The following PALLD variants were observed in gnomAD, a reference collection of about 807,000 sequenced individuals.
PALLD encodes the protein palladin, cytoskeletal associated protein.
A neutral mutation model predicts 123.5 loss-of-function variants in PALLD; 61 were observed. The observed-to-expected ratio is 0.49, with a 90% CI of 0.40 to 0.61. The LOEUF (loss-of-function observed/expected upper bound fraction) is 0.61, where lower values mean the gene tolerates loss of function less well. Among genes scored for constraint, PALLD ranks in the 20% least tolerant of loss-of-function variants. The probability of loss-of-function intolerance (pLI) is 0.00; values close to 1 mark genes in which losing one functional copy is unlikely to be tolerated. For synonymous variants in PALLD, 465 were observed against 496.4 expected (o/e 0.94, Z 0.84); for missense variants, 1,273 against 1,377.0 (o/e 0.92, Z 1.20).
At chr4:168,750,741 G>A (rs1730949257) in intron 10 of PALLD, among the ~76,000 whole-genome samples, 1 of 152,146 alleles carries the variant, frequency 6.6e-6, no homozygotes, top group African/African-American at 2.4e-5. Context: ...CACTATTTCT[G>A]TGGCCTCCTG....
intron 10 of PALLD, among the ~76,000 whole-genome samples, chr4:168,800,102 C>T (rs1427786162): frequency 6.6e-6 from 1 of 152,178 alleles, no homozygotes. Context: ...AAATATAGAA[C>T]ATTTGCTTTA....
intron 14 of PALLD, among the ~76,000 whole-genome samples, chr4:168,899,540 T>C (rs1410923456): frequency 6.6e-6 from 1 of 152,168 alleles, no homozygotes; most frequent in African/African-American, 2.4e-5. Context: ...GGTAATAATA[T>C]GTGAAGAAAT....
At chr4:168,842,718 A>G (rs569723436) in intron 10 of PALLD, among the ~76,000 whole-genome samples, 1 of 152,306 alleles carries the variant, frequency 6.6e-6, no homozygotes, top group South Asian at 2.1e-4. Flanking sequence ...GTAAGGAGGT[A>G]CTTAAAAAGC....
intron 2 of PALLD, among the ~76,000 whole-genome samples, chr4:168,605,769 A>G (rs1195713402): frequency 6.6e-6 from 1 of 152,202 alleles, no homozygotes; most frequent in Non-Finnish European, 1.5e-5. Context: ...AAATAAATAG[A>G]CATAAAATGG....
At chr4:168,713,559 G>A (rs146406183) in intron 10 of PALLD, among the ~76,000 whole-genome samples, 2 of 152,246 alleles carry the variant, frequency 1.3e-5, no homozygotes, top group East Asian at 3.9e-4. Flanking sequence ...TCTACAGCCC[G>A]TCTTATCTCA....
At chr4:168,504,179 T>C (rs1004910319) in intron 1 of PALLD, among the ~76,000 whole-genome samples, 2 of 152,208 alleles carry the variant, frequency 1.3e-5, no homozygotes, top group Non-Finnish European at 2.9e-5. Flanking sequence ...ATGTTCAACT[T>C]ACTATTCCAG....
intron 15 of PALLD, among the ~76,000 whole-genome samples, chr4:168,908,469 TTAAA>T (rs1033784145): frequency 1.4e-4 from 21 of 152,266 alleles, no homozygotes; most frequent in African/African-American, 4.1e-4. Flanking sequence ...AGACATGAGT[TTAAA>T]TAGTCATGTC....
intron 2 of PALLD, among the ~76,000 whole-genome samples, chr4:168,623,478 G>A (rs1036769005): frequency 1.3e-5 from 2 of 152,206 alleles, no homozygotes; most frequent in Non-Finnish European, 2.9e-5. Context: ...TTATTCCCCT[G>A]AAGATGCAGG....
chr4:168,633,170 C>G (rs191907479), intron 2 of PALLD, among the ~76,000 whole-genome samples: 2 of 152,318 alleles, frequency 1.3e-5, no homozygotes, highest in East Asian at 1.9e-4. Flanking sequence ...TTGTTTATTT[C>G]TGTTGCCGAT....
intron 10 of PALLD, among the ~76,000 whole-genome samples, chr4:168,889,158 GT>G: frequency 2.0e-5 from 3 of 147,844 alleles, no homozygotes; most frequent in Non-Finnish European, 4.5e-5. Flanking sequence ...GTGTGTGTGT[GT>G]GTGTGTGGTT....
At chr4:168,715,618 CTG>C (rs924033822) in intron 10 of PALLD, among the ~76,000 whole-genome samples, 2 of 152,148 alleles carry the variant, frequency 1.3e-5, no homozygotes, top group African/African-American at 2.4e-5. Context: ...GTAGGGCTCA[CTG>C]TGAAAAATCT....
chr4:168,795,776 T>C (rs1433278461), intron 10 of PALLD, among the ~76,000 whole-genome samples: 2 of 151,792 alleles, frequency 1.3e-5, no homozygotes, highest in African/African-American at 4.8e-5. Context: ...TGTGTGATTA[T>C]AGCTCACTGC....
At chr4:168,564,860 G>A (rs1264693046) in intron 2 of PALLD, among the ~76,000 whole-genome samples, 2 of 151,764 alleles carry the variant, frequency 1.3e-5, no homozygotes, top group Non-Finnish European at 2.9e-5. Context: ...TCCCATAAGG[G>A]GACCACATAC....
intron 10 of PALLD, among the ~76,000 whole-genome samples, chr4:168,720,174 C>T (rs926364545): frequency 1.3e-5 from 2 of 152,184 alleles, no homozygotes; most frequent in South Asian, 2.1e-4. Context: ...TTGGCAAGAA[C>T]GTGCAGATGC....
At chr4:168,686,118 T>C (rs5021493) in intron 6 of PALLD, among the ~76,000 whole-genome samples, 4,492 of 152,228 alleles carry the variant, frequency 0.03, 215 homozygotes, top group African/African-American at 0.1. Flanking sequence ...TGCAGACTAA[T>C]AGACCGTATA....
chr4:168,629,987 G>T (rs909877612), intron 2 of PALLD, among the ~76,000 whole-genome samples: 2 of 152,196 alleles, frequency 1.3e-5, no homozygotes, highest in Admixed American at 6.5e-5. Context: ...ACATTCACAG[G>T]TTTAGCGAAA....
At chr4:168,743,440 A>T (rs1788561552) in intron 10 of PALLD, among the ~76,000 whole-genome samples, 1 of 152,114 alleles carries the variant, frequency 6.6e-6, no homozygotes, top group Non-Finnish European at 1.5e-5. Flanking sequence ...GGGACACTAC[A>T]GATTTGGATA....
intron 10 of PALLD, among the ~76,000 whole-genome samples, chr4:168,719,300 C>T (rs1440094054): frequency 6.9e-6 from 1 of 145,610 alleles, no homozygotes; most frequent in Admixed American, 6.9e-5. Flanking sequence ...CTCTGTCACC[C>T]AGGCTGGAGT....
intron 2 of PALLD, among the ~76,000 whole-genome samples, chr4:168,631,302 G>C (rs1454706506): frequency 6.6e-6 from 1 of 152,232 alleles, no homozygotes; most frequent in African/African-American, 2.4e-5. Context: ...ACTACTAGCT[G>C]CTTCTTGGAT....
Sources: gnomAD v4.1 joint callset for allele counts (sites outside exome capture counted in the v4.1 genomes callset) on GRCh38, gnomAD v4.1.1 for gene constraint, MANE v1.5 for transcripts, NCBI Gene and HGNC (gene_info 2026-07-23, HGNC 2026-07-21) for gene names.